The following EFCAB8 variants were observed in gnomAD, a reference collection of about 807,000 sequenced individuals.
The protein encoded by EFCAB8 is EF-hand calcium binding domain 8, also known as EF-hand calcium-binding domain-containing protein 8.
Under a neutral mutation model 116.3 loss-of-function variants are expected in EFCAB8, and 100 were observed. The ratio of observed to expected loss-of-function variants is 0.86; its 90% CI spans 0.73 to 1.02. The LOEUF (loss-of-function observed/expected upper bound fraction) is 1.02, where lower values mean the gene tolerates loss of function less well. EFCAB8 is among the 50% of genes least tolerant of loss of function. The pLI, the probability that EFCAB8 is intolerant of heterozygous loss-of-function variation, is 0.00. For missense variants in EFCAB8, 1,320 were observed against 1,416.9 expected (o/e 0.93, Z 1.10); for synonymous variants, 558 against 567.9 (o/e 0.98, Z 0.25).
At chr20:32,870,806 A>G (rs999278223) in intron 3 of EFCAB8, among the ~76,000 whole-genome samples, 1 of 151,602 alleles carries the variant, frequency 6.6e-6, no homozygotes, top group African/African-American at 2.4e-5. Context: ...CCAGCCTCCT[A>G]TGACCTTTGG....
At chr20:32,917,885 ACAG>A (rs1419393919) in intron 18 of EFCAB8, among the ~76,000 whole-genome samples, 4 of 152,162 alleles carry the variant, frequency 2.6e-5, no homozygotes, top group Non-Finnish European at 5.9e-5. Context: ...GGAAACCCAT[ACAG>A]TCTCCAAATT....
chr20:32,960,030 C>A (rs796704056), intron 25 of EFCAB8, 33 bp from the exon 26 acceptor site: 3 of 1,551,572 alleles, frequency 1.9e-6, no homozygotes, highest in South Asian at 1.2e-5. Flanking sequence ...ACCCCCAACT[C>A]GCAGCCTTCA....
At chr20:32,875,335 A>G (rs1287936573) in intron 3 of EFCAB8, among the ~76,000 whole-genome samples, 14 of 151,816 alleles carry the variant, frequency 9.2e-5, no homozygotes, top group Admixed American at 8.5e-4. Context: ...CAGGGCCAAG[A>G]GGGGCTGGAT....
chr20:32,868,193 A>C (rs945563000), intron 3 of EFCAB8, among the ~76,000 whole-genome samples: 5 of 152,064 alleles, frequency 3.3e-5, no homozygotes, highest in Non-Finnish European at 7.4e-5. Flanking sequence ...GGAGTAGCTG[A>C]AACTACAGGC....
intron 24 of EFCAB8, among the ~76,000 whole-genome samples, chr20:32,958,987 G>T (rs149491080): frequency 6.6e-6 from 1 of 152,348 alleles, no homozygotes; most frequent in Non-Finnish European, 1.5e-5. Context: ...GGAGCAGGCT[G>T]CTGGCTACTT....
chr20:32,948,564 G>GAAAGAAAGA (rs1988688781), intron 23 of EFCAB8, among the ~76,000 whole-genome samples: 1 of 145,094 alleles, frequency 6.9e-6, no homozygotes, highest in Admixed American at 6.8e-5. Context: ...AAGAAAGAAA[G>GAAAGAAAGA]AAAGAAAGAA....
rs1984483513 is a variant in EFCAB8 at position 32,867,486 on chromosome 20, C to T, written c.43-96C>T. 3 of 1,349,462 alleles carry T rather than the reference C, an allele frequency of 2.2e-6. No homozygotes were observed. In the Admixed American group the frequency reaches 7.6e-5, roughly 34 times the overall value. 83.6% of individuals were successfully genotyped at this position (1,349,462 alleles called of 1,614,324 possible). A position where few individuals can be genotyped will look rare whatever the true frequency, so the allele number is the denominator to read the frequency against. ...ACATCATAACACTACTTACCTTGTT[C>T]TTTCTCAAAGAGTCTCTCTTTAAAT... On this transcript the variant is annotated intron_variant, in intron 2 of 26. Coordinates refer to ENST00000400522, the MANE Select transcript of EFCAB8 (RefSeq NM_001143967.2).
intron 13 of EFCAB8, among the ~76,000 whole-genome samples, chr20:32,907,808 G>A (rs974229925): frequency 2.6e-5 from 4 of 152,320 alleles, no homozygotes; most frequent in African/African-American, 9.6e-5. Context: ...GGGTCTTGGA[G>A]GGACTTCTGT....
intron 22 of EFCAB8, among the ~76,000 whole-genome samples, chr20:32,942,496 G>A (rs1988437441): frequency 6.6e-6 from 1 of 151,450 alleles, no homozygotes; most frequent in African/African-American, 2.4e-5. Flanking sequence ...AGACCAGCCT[G>A]GGCAACATAG....
rs1432050228 is a variant in EFCAB8 at position 32,893,211 on chromosome 20, G to T, written c.796G>T (p.Ala266Ser). 6.4e-7 allele frequency: 1 copy of T among 1,551,978 alleles called. No individual in the cohort carries two copies. The change falls in exon 9 of 27, where the codon GCC (alanine) becomes TCC (serine). Residue 266 changes from alanine to serine, a missense_variant. Physicochemically the swap from Ala to Ser is moderately conservative, Grantham distance 99. Coordinates refer to ENST00000400522, the MANE Select transcript of EFCAB8 (RefSeq NM_001143967.2). The part of the protein sequence containing the change: ...YHRGVFCYGD[A>S]KGNVIVFTSE... ...CAGAGGTGTGTTCTGCTATGGAGAC[G>T]CCAAAGGCAACGTCATTGTCTTCAC...
chr20:32,939,127 CTTTCTTTCTTTCTTT>C (rs1568941480), intron 22 of EFCAB8, among the ~76,000 whole-genome samples: 1,687 of 34,506 alleles, frequency 0.049, 170 homozygotes, highest in Admixed American at 0.079. Flanking sequence ...CTTTCTTTCT[CTTTCTTTCTTTCTTT>C]CTTTCTTTCT....
intron 1 of EFCAB8, among the ~76,000 whole-genome samples, chr20:32,863,555 AG>A (rs1568894399): frequency 6.6e-6 from 1 of 152,196 alleles, no homozygotes; most frequent in African/African-American, 2.4e-5. Flanking sequence ...CCTCTCTATC[AG>A]GGGAAGAAAG....
Position 32,896,119 on chromosome 20 carries a change from A to G in EFCAB8, c.884-335A>G, listed in dbSNP as rs188351684. Among the ~76,000 whole-genome samples, 14 of 152,020 alleles carry G rather than the reference A, an allele frequency of 9.2e-5. No homozygotes were observed. In the East Asian group the frequency reaches 2.3e-3, roughly 25 times the overall value. ...AGCCTAGAGTCTCAATTCCTTCTCC[A>G]CTCCAGCAAAGATGGAGCTCCCTAA... is the stretch of plus-strand genomic sequence containing the variant. On this transcript the variant is annotated intron_variant, in intron 9 of 26. Transcript: ENST00000400522.
At chr20:32,958,033 C>T (rs1989027050) in intron 23 of EFCAB8, among the ~76,000 whole-genome samples, 1 of 152,176 alleles carries the variant, frequency 6.6e-6, no homozygotes, top group Non-Finnish European at 1.5e-5. Context: ...ACTCCAGCCC[C>T]ATTCCTTCCC....
chr20:32,869,546 A>G (rs1169007513), intron 3 of EFCAB8, among the ~76,000 whole-genome samples: 3 of 152,030 alleles, frequency 2.0e-5, no homozygotes, highest in African/African-American at 7.2e-5. Context: ...AGGTGTTGCA[A>G]TCTTATATAA....
rs76961155 is a variant in EFCAB8, at chr20:32,961,827, G to A, written c.*218G>A. Among the ~76,000 whole-genome samples, 3,109 of 152,312 alleles carry A rather than the reference G, an allele frequency of 0.02. 107 individuals carry two copies. Among genetic ancestry groups the A allele is most frequent in the African/African-American group, 0.07 (2,924 of 41,556 alleles). On this transcript the variant is annotated 3_prime_UTR_variant, in exon 27 of 27. Transcript: ENST00000400522. ...AGAAAATAAATGTTCTCAGCTGTGG[G>A]CATCCACAGGTGATGAGGTTGGGCT... is the stretch of plus-strand genomic sequence containing the variant.
Position 32,960,116 on chromosome 20 carries a change from C to G in EFCAB8, c.3348C>G (p.Thr1116=). 1 of 1,551,696 alleles carries G rather than the reference C, an allele frequency of 6.4e-7. No individual in the cohort carries two copies. Among genetic ancestry groups the G allele is most frequent in the Non-Finnish European group, 8.7e-7 (1 of 1,146,990 alleles). ...AGCCCAAGGAACGCTTGCAGAATAC[C>G]AGGTTCCTGTCCACCAGGGTGCCAT... ...AYKPKERLQN[T]RFLSTRVPYG... Residue 1116 remains threonine, a synonymous_variant, in exon 26 of 27, where the codon ACC becomes ACG. Transcript: ENST00000400522.
intron 17 of EFCAB8, among the ~76,000 whole-genome samples, chr20:32,916,288 T>A (rs563513033): frequency 3.5e-4 from 54 of 152,230 alleles, no homozygotes; most frequent in African/African-American, 1.3e-3. Flanking sequence ...GACAGGATCT[T>A]GCTCTATTGC....
chr20:32,906,372 G>GACTTGACCTC (rs1192149782), intron 11 of EFCAB8, among the ~76,000 whole-genome samples, 190 bp from the exon 12 acceptor site: 6 of 152,104 alleles, frequency 3.9e-5, no homozygotes, highest in Admixed American at 2.0e-4. Context: ...GCTGAGCCCT[G>GACTTGACCTC]ACTTGGCTGC....
Sources: gnomAD v4.1 joint callset for allele counts (sites outside exome capture counted in the v4.1 genomes callset) on GRCh38, gnomAD v4.1.1 for gene constraint, MANE v1.5 for transcripts, NCBI Gene and HGNC (gene_info 2026-07-23, HGNC 2026-07-21) for gene names.